The following ABLIM2 variants were observed in gnomAD, a reference collection of about 807,000 sequenced individuals.
ABLIM2 encodes the protein actin-binding LIM protein 2.
A neutral mutation model predicts 97.7 loss-of-function variants in ABLIM2; 53 were observed. The ratio of observed to expected loss-of-function variants is 0.54; its 90% confidence interval spans 0.44 to 0.68. The LOEUF (loss-of-function observed/expected upper bound fraction) is 0.68, where lower values mean the gene tolerates loss of function less well. Ranked by LOEUF, ABLIM2 falls within the 30% of genes least tolerant of loss-of-function variation. The pLI, the probability that ABLIM2 is intolerant of heterozygous loss-of-function variation, is 0.00. For missense variants in ABLIM2, 835 were observed against 867.2 expected, an observed-to-expected ratio of 0.96 and a Z score of 0.47; for synonymous variants, 361 against 345.8, an observed-to-expected ratio of 1.04 and a Z score of -0.49.
chr4:8,059,252 G>T (rs1367687269), intron 7 of ABLIM2, among the ~76,000 whole-genome samples: 1 of 152,080 alleles, frequency 6.6e-6, no homozygotes, highest in Non-Finnish European at 1.5e-5. Flanking sequence ...TAGCAGGCCA[G>T]AATTTGCTGC....
chr4:8,142,756 G>T (rs557327566), intron 1 of ABLIM2, among the ~76,000 whole-genome samples: 3 of 152,332 alleles, frequency 2.0e-5, no homozygotes, highest in Non-Finnish European at 4.4e-5. Flanking sequence ...TTGGACAAAG[G>T]TGCCACTTCC....
intron 1 of ABLIM2, among the ~76,000 whole-genome samples, chr4:8,139,802 G>A (rs1390136266): frequency 1.3e-5 from 2 of 152,112 alleles, no homozygotes; most frequent in Non-Finnish European, 2.9e-5. Context: ...ACATGCATGT[G>A]TATATTCATT....
intron 1 of ABLIM2, among the ~76,000 whole-genome samples, chr4:8,142,444 C>T (rs1417248338): frequency 6.6e-6 from 1 of 152,208 alleles, no homozygotes; most frequent in Non-Finnish European, 1.5e-5. Context: ...GGCACATGTC[C>T]TGGTCACCCG....
chr4:8,108,669 C>A (rs1304846635), intron 1 of ABLIM2, among the ~76,000 whole-genome samples: 1 of 152,236 alleles, frequency 6.6e-6, no homozygotes, highest in Non-Finnish European at 1.5e-5. Context: ...GGGACGCCCC[C>A]CTTCTGGGAG....
At chr4:8,055,043 T>C (rs944839205) in intron 7 of ABLIM2, among the ~76,000 whole-genome samples, 3 of 149,562 alleles carry the variant, frequency 2.0e-5, no homozygotes, top group African/African-American at 7.3e-5. Context: ...CAAGTCTTTG[T>C]TTTTGTTTTT....
chr4:8,091,165 G>A (rs976543969), intron 3 of ABLIM2, among the ~76,000 whole-genome samples: 1 of 147,554 alleles, frequency 6.8e-6, no homozygotes. Context: ...AGTTTTAGTC[G>A]TTCTCATGGA....
intron 12 of ABLIM2, 58 bp from the exon 13 acceptor site, chr4:8,020,361 A>G: frequency 1.4e-6 from 2 of 1,457,822 alleles, no homozygotes; most frequent in South Asian, 1.2e-5. Flanking sequence ...GCAAAGTAGA[A>G]TATTTCAAGC....
At chr4:8,018,004 A>AG (rs1770718925) in intron 14 of ABLIM2, among the ~76,000 whole-genome samples, 1 of 152,154 alleles carries the variant, frequency 6.6e-6, no homozygotes, top group African/African-American at 2.4e-5. Flanking sequence ...AAAAAAAAAA[A>AG]AAAGCACAAA....
At chr4:8,156,980 T>C (rs971995320) in intron 1 of ABLIM2, among the ~76,000 whole-genome samples, 3 of 152,318 alleles carry the variant, frequency 2.0e-5, no homozygotes, top group African/African-American at 4.8e-5. Flanking sequence ...GGGTCTGAGC[T>C]GAGCTGGCCA....
rs774145385 is a variant in ABLIM2, at chr4:8,003,566, T to C, written c.1618+4493A>G. Among the ~76,000 whole-genome samples the C allele has an allele frequency of 1.4e-3, 210 of 145,474 alleles. No individual in the cohort carries two copies. The highest frequency in any genetic ancestry group is 2.1e-3 in the Non-Finnish European group (143 of 67,078). On this transcript the variant is annotated intron_variant, in intron 16 of 20. Transcript: ENST00000447017. This position sits in a 1 kb window ranked among gnomAD's most constrained non-coding sequence, Gnocchi z 4.2. ...TACGCTCTTCTTCCAGTTTTCTTTT[T>C]TTTTTTTTTTTTTTTTGGAGATGGA...
At chr4:8,096,450 A>T (rs1320068) in intron 3 of ABLIM2, among the ~76,000 whole-genome samples, 79,708 of 152,098 alleles carry the variant, frequency 0.52, 23,882 homozygotes, top group African/African-American at 0.79. Context: ...AGGTCACGCT[A>T]CGATGACACA....
At chr4:7,995,410 C>G (rs1159894090) in intron 16 of ABLIM2, among the ~76,000 whole-genome samples, 1 of 152,232 alleles carries the variant, frequency 6.6e-6, no homozygotes, top group African/African-American at 2.4e-5. Flanking sequence ...ATGTCTGTAG[C>G]AAGGACCATG....
Position 8,130,080 on chromosome 4 carries a change from T to G in ABLIM2, c.11-23443A>C, listed in dbSNP as rs1198100822. 6.6e-6 allele frequency among the ~76,000 whole-genome samples: 1 copy of G among 152,222 alleles called. No homozygotes were observed. Among genetic ancestry groups the G allele is most frequent in the Non-Finnish European group, 1.5e-5 (1 of 68,042 alleles). ...CCTCAGATTCCCCTGGCCTCCAGCC[T>G]GCTGTTCACCCCTAAGCATCTAGTT... is the stretch of plus-strand genomic sequence containing the variant. On this transcript the variant is annotated intron_variant, in intron 1 of 20. Coordinates refer to ENST00000447017, the MANE Select transcript of ABLIM2 (RefSeq NM_001130083.2). The surrounding 1 kb of genome is among the most constrained non-coding windows in gnomAD (Gnocchi z 4.2).
rs1425452686 is a variant in ABLIM2 at position 7,978,018 on chromosome 4, TG to T, written c.1824+5245del. On this transcript the variant is annotated intron_variant, in intron 20 of 20. Coordinates refer to ENST00000447017, the MANE Select transcript of ABLIM2 (RefSeq NM_001130083.2). ...CACTGAGTTATCAGCTGTGACTGGG[TG>T]GGGGAATTCCTTAAGAGGTTTATGT... is the stretch of plus-strand genomic sequence containing the variant. Among the ~76,000 whole-genome samples the T allele has an allele frequency of 5.3e-5, 8 of 152,244 alleles. No homozygotes were observed. The East Asian group carries it at 7.7e-4, about 15-fold the overall frequency.
At chr4:8,154,960 T>C (rs1173652719) in intron 1 of ABLIM2, among the ~76,000 whole-genome samples, 3 of 152,202 alleles carry the variant, frequency 2.0e-5, no homozygotes, top group Admixed American at 6.5e-5. Context: ...GCAGGGGAAC[T>C]GCCCTTTATA....
At chr4:8,126,922 C>T (rs1344172690) in intron 1 of ABLIM2, among the ~76,000 whole-genome samples, 1 of 151,962 alleles carries the variant, frequency 6.6e-6, no homozygotes, top group Non-Finnish European at 1.5e-5. Context: ...TAAAAATTAG[C>T]CAGGTCTGGT....
chr4:8,054,086 G>A lies in ABLIM2; in HGVS notation c.822+102C>T, dbSNP rs1395249355. 1 of 1,386,320 alleles carries A rather than the reference G, an allele frequency of 7.2e-7. No homozygotes were observed. The highest frequency in any genetic ancestry group is 1.0e-6 in the Non-Finnish European group (1 of 978,388). 85.9% of individuals were successfully genotyped at this position (1,386,320 alleles called of 1,614,324 possible). A position where few individuals can be genotyped will look rare whatever the true frequency, so the allele number is the denominator to read the frequency against. On this transcript the variant is annotated intron_variant, in intron 8 of 20. Transcript: ENST00000447017. This position sits in a 1 kb window ranked among gnomAD's most constrained non-coding sequence, Gnocchi z 4.9. ...CCCCCATCCTGCAGCCCGTGGGACT[G>A]GACAATGAGCCTGTAGAATCTGGTC...
chr4:8,017,184 T>G (rs1161707381), intron 14 of ABLIM2, among the ~76,000 whole-genome samples: 1 of 152,178 alleles, frequency 6.6e-6, no homozygotes, highest in Non-Finnish European at 1.5e-5. Flanking sequence ...CGCCGCCTCC[T>G]CCCAGGCCCT....
At chr4:8,041,666 G>T (rs1788662388) in intron 9 of ABLIM2, among the ~76,000 whole-genome samples, 1 of 151,756 alleles carries the variant, frequency 6.6e-6, no homozygotes, top group African/African-American at 2.4e-5. Flanking sequence ...ACTTTGGGAG[G>T]CCAAGGTGGG....
Sources: allele counts gnomAD v4.1 joint callset (sites outside exome capture counted in the v4.1 genomes callset), GRCh38; gene constraint gnomAD v4.1.1; non-coding constraint Gnocchi (gnomAD v3.1); transcripts MANE v1.5; gene names NCBI Gene and HGNC (gene_info 2026-07-23, HGNC 2026-07-21).